The following INPP4B variants were observed in gnomAD, a reference collection of about 807,000 sequenced individuals.
The protein encoded by INPP4B is inositol polyphosphate 4-phosphatase type II.
Under a neutral mutation model 122.5 loss-of-function variants are expected in INPP4B, and 55 were observed. The observed-to-expected ratio is 0.45, with a 90% confidence interval of 0.36 to 0.56. The LOEUF is 0.56. Ranked by LOEUF, INPP4B falls within the 20% of genes least tolerant of loss-of-function variation. The probability of loss-of-function intolerance (pLI) is 0.00; values close to 1 mark genes in which losing one functional copy is unlikely to be tolerated. For missense variants in INPP4B, 1,000 were observed against 1,097.7 expected (o/e 0.91, Z 1.26); for synonymous variants, 403 against 388.7 (o/e 1.04, Z -0.43).
At chr4:142,749,922 G>A (rs1028268270) in intron 1 of INPP4B, among the ~76,000 whole-genome samples, 4 of 151,748 alleles carry the variant, frequency 2.6e-5, no homozygotes, top group Non-Finnish European at 5.9e-5. Flanking sequence ...AATAATAGAT[G>A]AAAAATAATT....
intron 9 of INPP4B, among the ~76,000 whole-genome samples, chr4:142,274,659 T>C (rs1747515441): frequency 6.6e-6 from 1 of 151,868 alleles, no homozygotes; most frequent in Non-Finnish European, 1.5e-5. Context: ...CTTGGTATGT[T>C]TACAAGGATA....
At chr4:142,457,256 T>C (rs2149555663) in intron 3 of INPP4B, among the ~76,000 whole-genome samples, 1 of 152,070 alleles carries the variant, frequency 6.6e-6, no homozygotes, top group South Asian at 2.1e-4. Context: ...CATAGTACAG[T>C]CCATAAAAGA....
chr4:142,132,908 T>C (rs1475416886), intron 18 of INPP4B, among the ~76,000 whole-genome samples: 5 of 152,168 alleles, frequency 3.3e-5, no homozygotes, highest in Admixed American at 3.3e-4. Flanking sequence ...TCTACTTCCT[T>C]TACTTCCTCT....
chr4:142,292,394 C>T (rs779156511), intron 9 of INPP4B, among the ~76,000 whole-genome samples: 17 of 152,084 alleles, frequency 1.1e-4, no homozygotes, highest in Non-Finnish European at 2.2e-4. Context: ...TAGAAGCAAA[C>T]GTCAATAGCC....
chr4:142,214,827 G>T (rs111791885), intron 12 of INPP4B, among the ~76,000 whole-genome samples: 2 of 152,078 alleles, frequency 1.3e-5, no homozygotes, highest in African/African-American at 4.8e-5. Flanking sequence ...TGCTGGGATT[G>T]CAGGCGTGAG....
intron 24 of INPP4B, among the ~76,000 whole-genome samples, chr4:142,085,023 A>T (rs1578847868): frequency 6.6e-6 from 1 of 152,208 alleles, no homozygotes; most frequent in South Asian, 2.1e-4. Context: ...ATTAAAAACA[A>T]CCTTCATGTA....
intron 12 of INPP4B, among the ~76,000 whole-genome samples, chr4:142,235,417 T>C (rs1856258498): frequency 6.6e-6 from 1 of 151,718 alleles, no homozygotes; most frequent in Non-Finnish European, 1.5e-5. Context: ...TTTTATGACA[T>C]GTCATTATTT....
chr4:142,343,456 C>T (rs866406574), intron 7 of INPP4B, among the ~76,000 whole-genome samples: 2 of 151,252 alleles, frequency 1.3e-5, no homozygotes, highest in South Asian at 4.2e-4. Context: ...CCTCTGAATT[C>T]ACATAAATTT....
intron 12 of INPP4B, among the ~76,000 whole-genome samples, chr4:142,209,777 A>G (rs1844092822): frequency 8.6e-6 from 1 of 116,796 alleles, no homozygotes; most frequent in Admixed American, 1.2e-4. Context: ...TGGGTGACAG[A>G]GTAAGACCCC....
chr4:142,751,808 A>G (rs1176180494), intron 1 of INPP4B, among the ~76,000 whole-genome samples: 1 of 152,044 alleles, frequency 6.6e-6, no homozygotes, highest in Non-Finnish European at 1.5e-5. Flanking sequence ...AATTTTTTCA[A>G]TCATTAAACC....
chr4:142,133,024 TTATTTGACC>T (rs1802097722), intron 18 of INPP4B, among the ~76,000 whole-genome samples: 1 of 152,278 alleles, frequency 6.6e-6, no homozygotes, highest in South Asian at 2.1e-4. Flanking sequence ...AGTCCTCATT[TTATTTGACC>T]TATTTTCTAA....
At chr4:142,066,652 C>T (rs1284205164) in intron 25 of INPP4B, among the ~76,000 whole-genome samples, 1 of 152,212 alleles carries the variant, frequency 6.6e-6, no homozygotes, top group Non-Finnish European at 1.5e-5. Flanking sequence ...ATGGTCTTAG[C>T]AAACGGCACA....
chr4:142,564,475 G>A (rs2322798), intron 2 of INPP4B, among the ~76,000 whole-genome samples: 27,822 of 120,092 alleles, frequency 0.23, 4,247 homozygotes, highest in East Asian at 0.67. Flanking sequence ...AAGAAAGAAA[G>A]AAAAAAAAGA....
chr4:142,058,927 C>T (rs1324554179), intron 25 of INPP4B, among the ~76,000 whole-genome samples: 2 of 152,098 alleles, frequency 1.3e-5, no homozygotes, highest in African/African-American at 2.4e-5. Flanking sequence ...ACAGATTTCT[C>T]ACCCAAATAT....
intron 1 of INPP4B, among the ~76,000 whole-genome samples, chr4:142,806,081 C>A (rs146298662): frequency 1.3e-5 from 2 of 151,578 alleles, no homozygotes; most frequent in African/African-American, 2.4e-5. Flanking sequence ...AGATTGAGAC[C>A]ATCCTGTCTA....
At chr4:142,482,597 ACT>A (rs1820693157) in intron 2 of INPP4B, among the ~76,000 whole-genome samples, 1 of 151,982 alleles carries the variant, frequency 6.6e-6, no homozygotes, top group Non-Finnish European at 1.5e-5. Flanking sequence ...TTTGTGGTGG[ACT>A]CTCTTTTCTC....
At chr4:142,216,602 C>T (rs1375035630) in intron 12 of INPP4B, among the ~76,000 whole-genome samples, 2 of 152,060 alleles carry the variant, frequency 1.3e-5, no homozygotes, top group African/African-American at 4.8e-5. Context: ...TACTTTTTGT[C>T]TATATGGATC....
At chr4:142,232,565 CT>C (rs939919697) in intron 12 of INPP4B, among the ~76,000 whole-genome samples, 1 of 151,830 alleles carries the variant, frequency 6.6e-6, no homozygotes, top group African/African-American at 2.4e-5. Flanking sequence ...CTCCCTCCCT[CT>C]TCTCCTTGGG....
intron 12 of INPP4B, among the ~76,000 whole-genome samples, chr4:142,219,223 C>A (rs1248099457): frequency 6.6e-6 from 1 of 152,106 alleles, no homozygotes; most frequent in African/African-American, 2.4e-5. Flanking sequence ...CAAAGACTGA[C>A]AGTTGGAACA....
Sources: gnomAD v4.1 joint callset for allele counts (sites outside exome capture counted in the v4.1 genomes callset) on GRCh38, gnomAD v4.1.1 for gene constraint, MANE v1.5 for transcripts, NCBI Gene and HGNC (gene_info 2026-07-23, HGNC 2026-07-21) for gene names.